The following CYFIP1 variants were observed in gnomAD, a reference collection of about 807,000 sequenced individuals.
The protein encoded by CYFIP1 is cytoplasmic FMR1-interacting protein 1.
In CYFIP1, 58 loss-of-function variants were observed where a neutral mutation model predicts 163.5. That is an observed-to-expected ratio of 0.35 (90% CI 0.29 to 0.44). CYFIP1 has a LOEUF of 0.44. Among genes scored for constraint, CYFIP1 ranks in the 20% least tolerant of loss-of-function variants. CYFIP1 has a pLI of 1.00. For missense variants in CYFIP1, 1,338 were observed against 1,653.8 expected (o/e 0.81, Z 3.31); for synonymous variants, 663 against 660.7 (o/e 1.00, Z -0.05).
chr15:22,980,003 G>C (rs1213562413), intron 1 of CYFIP1, among the ~76,000 whole-genome samples: 1 of 152,032 alleles, frequency 6.6e-6, no homozygotes, highest in East Asian at 1.9e-4. Context: ...CGGGGAGCTC[G>C]GGGCCGAGGC....
chr15:22,946,458 T>G (rs2140112766), intron 3 of CYFIP1, among the ~76,000 whole-genome samples: 1 of 152,088 alleles, frequency 6.6e-6, no homozygotes, highest in Admixed American at 6.5e-5. Flanking sequence ...CCGACCAACA[T>G]GGTGAAACCC....
chr15:22,968,241 G>T (rs1391445708), intron 1 of CYFIP1, among the ~76,000 whole-genome samples: 1 of 152,128 alleles, frequency 6.6e-6, no homozygotes, highest in Non-Finnish European at 1.5e-5. Flanking sequence ...CCAGGCCATG[G>T]TACCCAGTTT....
intron 4 of CYFIP1, 56 bp downstream of exon 4, chr15:22,944,806 G>A (rs2062003456): frequency 1.3e-6 from 2 of 1,576,228 alleles, no homozygotes; most frequent in East Asian, 4.5e-5. Flanking sequence ...GGGGTGTGGT[G>A]TGGCAGGGGC....
intron 30 of CYFIP1, 136 bp from the exon 31 acceptor site, chr15:22,870,328 G>GT (rs2059396815): frequency 6.4e-5 from 65 of 1,018,374 alleles, no homozygotes; most frequent in South Asian, 1.7e-4. Context: ...GTTCTTTTTG[G>GT]GTTTTTTTTT....
intron 1 of CYFIP1, among the ~76,000 whole-genome samples, chr15:22,965,036 T>C (rs1595722067): frequency 6.7e-6 from 1 of 149,412 alleles, no homozygotes; most frequent in South Asian, 2.1e-4. Context: ...TAGTATTCCA[T>C]TGTGTGTGTG....
Position 22,910,704 on chromosome 15 carries a change from G to A in CYFIP1, c.2159+33C>T, listed in dbSNP as rs564776791. The A allele has an allele frequency of 2.2e-5, 35 of 1,606,254 alleles. No homozygotes were observed. The African/African-American group carries it at 2.9e-4, about 13-fold the overall frequency. ...GGAATGTCAGATCAAATTATGAAAC[G>A]TTTTGTATCAAAATCACACACCAGA... On this transcript the variant is annotated intron_variant, in intron 19 of 30. Coordinates refer to ENST00000617928, the MANE Select transcript of CYFIP1 (RefSeq NM_014608.6).
At position 22,914,723 on chromosome 15, in the gene CYFIP1, C is replaced by T; in HGVS notation, c.1985+3G>A. On this transcript the variant is annotated splice_donor_region_variant and intron_variant, in intron 17 of 30. Coordinates refer to ENST00000617928, the MANE Select transcript of CYFIP1 (RefSeq NM_014608.6). Reference sequence around the variant, plus strand: ...GCTGGAGACAGGCCCGCAGGACACGCACTCCATCATCGATGCCTCCTTGGT... The same window carrying T: ...GCTGGAGACAGGCCCGCAGGACACGTACTCCATCATCGATGCCTCCTTGGT... The T allele has an allele frequency of 6.2e-7, 1 of 1,609,394 alleles. No individual in the cohort carries two copies. The highest frequency in any genetic ancestry group is 8.5e-7 in the Non-Finnish European group (1 of 1,177,496).
intron 1 of CYFIP1, among the ~76,000 whole-genome samples, chr15:22,963,557 A>AAAC (rs2062778667): frequency 3.5e-5 from 4 of 115,232 alleles, no homozygotes; most frequent in African/African-American, 1.2e-4. Context: ...AACATAACAT[A>AAAC]AGAAAGAATG....
intron 17 of CYFIP1, chr15:22,912,491 CA>C: frequency 2.2e-6 from 1 of 463,180 alleles, no homozygotes; most frequent in Non-Finnish European, 3.8e-6. Context: ...TTGGGGACAG[CA>C]GACGCTCACT....
At chr15:22,921,369 AAAATAAAT>A (rs111633687) in intron 13 of CYFIP1, among the ~76,000 whole-genome samples, 2,370 of 149,034 alleles carry the variant, frequency 0.016, 62 homozygotes, top group African/African-American at 0.056. Context: ...CTCTGTCTCA[AAAATAAAT>A]AAATAAATAA....
At position 22,879,650 on chromosome 15, in the gene CYFIP1, T is replaced by TTGAAAACATCACATAATATAACAGTTTTA. The variant is rs574111987; in HGVS notation, c.3042+234_3042+262dup. On this transcript the variant is annotated intron_variant, in intron 26 of 30. Transcript: ENST00000617928. The stretch of plus-strand genomic sequence containing the variant: ...CACACCAAATATGTTCATTTAGATG[T>TTGAAAACATCACATAATATAACAGTTTTA]TGAAAACATCACATAATATAACAGT... Among the ~76,000 whole-genome samples, 1,176 of 152,198 alleles carry TTGAAAACATCACATAATATAACAGTTTTA rather than the reference T, an allele frequency of 7.7e-3. 7 individuals are homozygous for TTGAAAACATCACATAATATAACAGTTTTA. Among genetic ancestry groups the TTGAAAACATCACATAATATAACAGTTTTA allele is most frequent in the South Asian group, 0.014 (67 of 4,830 alleles).
intron 29 of CYFIP1, among the ~76,000 whole-genome samples, 164 bp from the exon 30 acceptor site, chr15:22,873,136 G>A (rs1383315121): frequency 6.6e-6 from 1 of 152,094 alleles, no homozygotes; most frequent in African/African-American, 2.4e-5. Flanking sequence ...CCAGGTGGCT[G>A]TTCCCTGGTT....
chr15:22,967,350 C>G (rs191198888), intron 1 of CYFIP1, among the ~76,000 whole-genome samples: 8 of 152,332 alleles, frequency 5.3e-5, no homozygotes, highest in African/African-American at 1.9e-4. Context: ...TCAGAGCACG[C>G]TCCCAGATCT....
chr15:22,920,605 C>T (rs1308041877), intron 13 of CYFIP1, among the ~76,000 whole-genome samples: 1 of 152,140 alleles, frequency 6.6e-6, no homozygotes, highest in African/African-American at 2.4e-5. Flanking sequence ...TTTAATTCAT[C>T]CTTCTATAAC....
rs2060475136 is a variant in CYFIP1 at position 22,903,688 on chromosome 15, T to G, written c.2588+18A>C. ...TGAGCGCCTCGCCTGTGGGCGCCTG[T>G]GTGGCGGGCACGCTCACCGGTTGGT... is the stretch of plus-strand genomic sequence containing the variant. On this transcript the variant is annotated intron_variant, in intron 22 of 30. Coordinates refer to ENST00000617928, the MANE Select transcript of CYFIP1 (RefSeq NM_014608.6). 1 of 1,612,764 alleles carries G rather than the reference T, an allele frequency of 6.2e-7. No homozygotes were observed. Among genetic ancestry groups the G allele is most frequent in the Admixed American group, 1.7e-5 (1 of 60,006 alleles).
intron 1 of CYFIP1, among the ~76,000 whole-genome samples, chr15:22,955,794 C>T (rs975321872): frequency 6.6e-6 from 1 of 152,204 alleles, no homozygotes. Flanking sequence ...AACCCAGTTC[C>T]CAGAGAGACC....
At chr15:22,880,178 A>G (rs184038112) in intron 25 of CYFIP1, 135 bp from the exon 26 acceptor site, 2 of 1,182,168 alleles carry the variant, frequency 1.7e-6, no homozygotes, top group East Asian at 4.7e-5. Context: ...ACAACGTCCC[A>G]TCCCCAGCAT....
In CYFIP1 at chr15:22,916,525, T is replaced by G. The variant is rs1293725645; in HGVS notation, c.1780A>C (p.Lys594Gln). The G allele has an allele frequency of 6.2e-7, 1 of 1,613,820 alleles. No individual in the cohort carries two copies. The highest frequency in any genetic ancestry group is 1.3e-5 in the African/African-American group (1 of 74,866). The change falls in exon 16 of 31, where the codon AAA becomes CAA. Residue 594 changes from lysine (K) to glutamine (Q), a missense_variant. Physicochemically the swap from Lys to Gln is moderately conservative, Grantham distance 53. Transcript: ENST00000617928. ...TAGAAGAATGACTCTCGATGAAATT[T>G]TTCTATGTCCAATATGGTGGGCCCC... ...LEGPTILDIE[K>Q]FHRESFFYTH...
In CYFIP1 at chr15:22,872,921, A is replaced by T; in HGVS notation, c.3501T>A (p.Leu1167=). 6.2e-7 allele frequency: 1 copy of T among 1,614,112 alleles called. No individual in the cohort carries two copies. The highest frequency in any genetic ancestry group is 8.5e-7 in the Non-Finnish European group (1 of 1,179,976). Residue 1167 remains leucine (L), a synonymous_variant, in exon 30 of 31, where the codon CTT becomes CTA. Transcript: ENST00000617928. Reference sequence around the variant, plus strand: ...CAGCAAAACGCCGCTGCTGCCCAAGAAGTACGATGATCATACAGCCAGCCC... The same window carrying T: ...CAGCAAAACGCCGCTGCTGCCCAAGTAGTACGATGATCATACAGCCAGCCC... ...LHWAGCMIIV[L]LGQQRRFAVL... is the part of the protein sequence containing the mutation.
Sources: gnomAD v4.1 joint callset for allele counts (sites outside exome capture counted in the v4.1 genomes callset) on GRCh38, gnomAD v4.1.1 for gene constraint, MANE v1.5 for transcripts, NCBI Gene and HGNC (gene_info 2026-07-23, HGNC 2026-07-21) for gene names.